The following RUNX2 variants were observed in gnomAD, a reference collection of about 807,000 sequenced individuals.
The protein encoded by RUNX2 is RUNX family transcription factor 2.
A neutral mutation model predicts 51.7 loss-of-function variants in RUNX2; 10 were observed. The ratio of observed to expected loss-of-function variants is 0.19; its 90% CI spans 0.12 to 0.33. RUNX2 has a LOEUF of 0.33. Ranked by LOEUF, RUNX2 falls within the 10% of genes least tolerant of loss-of-function variation. RUNX2 has a pLI of 1.00. For missense variants in RUNX2, 562 were observed against 691.3 expected (o/e 0.81, Z 2.10); for synonymous variants, 276 against 273.6 (o/e 1.01, Z -0.09).
At chr6:45,526,855 C>CTAA (rs1801687531) in intron 7 of RUNX2, among the ~76,000 whole-genome samples, 1 of 152,036 alleles carries the variant, frequency 6.6e-6, no homozygotes, top group African/African-American at 2.4e-5. Context: ...ACCATATAAT[C>CTAA]TAATAATAAT....
At chr6:45,331,422 T>C (rs931864206) in intron 2 of RUNX2, among the ~76,000 whole-genome samples, 2 of 151,936 alleles carry the variant, frequency 1.3e-5, no homozygotes, top group Admixed American at 6.6e-5. Context: ...ATCAATAATA[T>C]ATTTATAGTT....
At chr6:45,474,055 G>C (rs1175056664) in intron 5 of RUNX2, among the ~76,000 whole-genome samples, 1 of 152,094 alleles carries the variant, frequency 6.6e-6, no homozygotes, top group South Asian at 2.1e-4. Context: ...CCTTAATCCA[G>C]TGAAATATGA....
At chr6:45,532,134 A>G (rs1325513433) in intron 7 of RUNX2, among the ~76,000 whole-genome samples, 4 of 140,680 alleles carry the variant, frequency 2.8e-5, no homozygotes, top group Admixed American at 1.4e-4. Flanking sequence ...AAATTTTTGA[A>G]TTGACATTTT....
intron 2 of RUNX2, among the ~76,000 whole-genome samples, chr6:45,351,876 G>C (rs911200271): frequency 6.6e-6 from 1 of 152,126 alleles, no homozygotes; most frequent in Admixed American, 6.6e-5. Context: ...AATACAGCCT[G>C]TTAGAGGCCT....
rs1049014398 is a variant in RUNX2, at chr6:45,435,248, C to T, written c.581-2699C>T. ...TTTTGTTCCTACATGAGGCGTCACC[C>T]TGAATTTAGGGGAAGCATAGATGAC... On this transcript the variant is annotated intron_variant, in intron 4 of 8. Coordinates refer to ENST00000647337, the MANE Select transcript of RUNX2 (RefSeq NM_001024630.4). 2.0e-5 allele frequency among the ~76,000 whole-genome samples: 3 copies of T among 152,278 alleles called. No homozygotes were observed. The South Asian group carries it at 6.2e-4, about 32-fold the overall frequency.
chr6:45,508,220 CTTTTTTT>C (rs61501897), intron 6 of RUNX2, among the ~76,000 whole-genome samples: 6,160 of 65,990 alleles, frequency 0.093, 145 homozygotes, highest in African/African-American at 0.17. Flanking sequence ...CTTATATTTC[CTTTTTTT>C]TTTTTTTTTT....
chr6:45,368,026 T>C (rs1202625565), intron 2 of RUNX2, among the ~76,000 whole-genome samples: 4 of 152,166 alleles, frequency 2.6e-5, no homozygotes, highest in African/African-American at 9.6e-5. Context: ...TCCTTTCTTC[T>C]AGACATTAAA....
At chr6:45,479,188 T>C (rs148727969) in intron 5 of RUNX2, among the ~76,000 whole-genome samples, 1 of 152,324 alleles carries the variant, frequency 6.6e-6, no homozygotes, top group East Asian at 1.9e-4. Context: ...ATGAAAGAGA[T>C]AGGACCCAGA....
intron 2 of RUNX2, chr6:45,422,292 C>A (rs1318103922): frequency 1.1e-5 from 4 of 375,204 alleles, no homozygotes; most frequent in African/African-American, 8.6e-5. Context: ...CCCCCGCGCC[C>A]GTTCGCAGCT....
At chr6:45,429,558 G>C (rs1582102522) in intron 3 of RUNX2, among the ~76,000 whole-genome samples, 1 of 152,140 alleles carries the variant, frequency 6.6e-6, no homozygotes, top group Non-Finnish European at 1.5e-5. Context: ...TTTTACTTTT[G>C]ATCCAGGAGA....
At chr6:45,369,586 C>T (rs911770776) in intron 2 of RUNX2, among the ~76,000 whole-genome samples, 2 of 152,010 alleles carry the variant, frequency 1.3e-5, no homozygotes, top group Non-Finnish European at 2.9e-5. Context: ...GACAGTGTAT[C>T]GTATCCTCCC....
At chr6:45,339,951 T>G (rs1394373341) in intron 2 of RUNX2, among the ~76,000 whole-genome samples, 3 of 152,142 alleles carry the variant, frequency 2.0e-5, no homozygotes, top group Non-Finnish European at 2.9e-5. Flanking sequence ...CTCCCTTATA[T>G]GAGACATGTA....
chr6:45,370,597 A>G (rs62400334), intron 2 of RUNX2, among the ~76,000 whole-genome samples: 4 of 152,208 alleles, frequency 2.6e-5, no homozygotes, highest in Admixed American at 6.5e-5. Flanking sequence ...AACTAATCTC[A>G]TAAGTTCAGT....
chr6:45,336,172 T>C lies in RUNX2; in HGVS notation c.58+7388T>C, dbSNP rs533295416. Among the ~76,000 whole-genome samples, 30 of 148,514 alleles carry C rather than the reference T, an allele frequency of 2.0e-4. No homozygotes were observed. In the South Asian group the frequency reaches 6.1e-3, roughly 30 times the overall value. ...ATACATTATTTCTCTCTCTGTAATT[T>C]AGAAGGAAAACTTAACATTTTAAAA... On this transcript the variant is annotated intron_variant, in intron 2 of 8. Transcript: ENST00000647337.
In RUNX2 at chr6:45,541,162, T is replaced by C. The variant is rs181534988; in HGVS notation, c.1022-4055T>C. On this transcript the variant is annotated intron_variant, in intron 7 of 8. Transcript: ENST00000647337. Reference sequence around the variant, plus strand: ...TTCATTTATCCATCCAACCATGCACTGACATTTTTTTTTTCATTTTAGCCT... The same window carrying C: ...TTCATTTATCCATCCAACCATGCACCGACATTTTTTTTTTCATTTTAGCCT... 2.2e-4 allele frequency among the ~76,000 whole-genome samples: 33 copies of C among 150,656 alleles called. No individual in the cohort carries two copies. In the East Asian group the frequency reaches 4.5e-3, roughly 21 times the overall value.
chr6:45,484,069 A>G (rs915027788), intron 5 of RUNX2, among the ~76,000 whole-genome samples: 3 of 152,208 alleles, frequency 2.0e-5, no homozygotes, highest in Non-Finnish European at 2.9e-5. Flanking sequence ...TTCAGAAATT[A>G]TGGAAACTAA....
chr6:45,539,303 T>C (rs1372701959), intron 7 of RUNX2, among the ~76,000 whole-genome samples: 3 of 152,168 alleles, frequency 2.0e-5, no homozygotes, highest in African/African-American at 7.2e-5. Flanking sequence ...TTTGTGAGCA[T>C]GCAGTGGAAA....
At chr6:45,526,342 AATTT>A (rs1801673360) in intron 7 of RUNX2, among the ~76,000 whole-genome samples, 2 of 152,192 alleles carry the variant, frequency 1.3e-5, no homozygotes, top group Admixed American at 6.5e-5. Context: ...GGTTTTATGT[AATTT>A]ATTTGTTAAC....
intron 6 of RUNX2, among the ~76,000 whole-genome samples, chr6:45,500,582 G>C (rs144213732): frequency 6.6e-6 from 1 of 152,210 alleles, no homozygotes; most frequent in Non-Finnish European, 1.5e-5. Context: ...AAACCTGACA[G>C]ATAGTTTTAG....
Sources: allele counts gnomAD v4.1 joint callset (sites outside exome capture counted in the v4.1 genomes callset), GRCh38; gene constraint gnomAD v4.1.1; transcripts MANE v1.5; gene names NCBI Gene and HGNC (gene_info 2026-07-23, HGNC 2026-07-21).